Variants in NALF1 observed in about 807,000 individuals in gnomAD.
NALF1 encodes the protein family with sequence similarity 155 member A.
NALF1 carries 3 observed loss-of-function variants against 48.4 expected under a neutral mutation model. The observed-to-expected ratio is 0.06, with a 90% CI of 0.03 to 0.16. The LOEUF (loss-of-function observed/expected upper bound fraction) is 0.16, where lower values mean the gene tolerates loss of function less well. Among genes scored for constraint, NALF1 ranks in the 10% least tolerant of loss-of-function variants. The probability of loss-of-function intolerance (pLI) is 1.00; values close to 1 mark genes in which losing one functional copy is unlikely to be tolerated. For synonymous variants in NALF1, 262 were observed against 245.7 expected (o/e 1.07, Z -0.62); for missense variants, 526 against 571.5 (o/e 0.92, Z 0.81).
intron 1 of NALF1, among the ~76,000 whole-genome samples, chr13:107,589,100 T>C (rs564072642): frequency 7.2e-5 from 11 of 152,030 alleles, no homozygotes; most frequent in Non-Finnish European, 1.0e-4. Context: ...TTTTGAGGAG[T>C]AGCGTATACA....
chr13:107,496,174 A>G (rs1219974672), intron 1 of NALF1, among the ~76,000 whole-genome samples: 1 of 152,166 alleles, frequency 6.6e-6, no homozygotes, highest in Non-Finnish European at 1.5e-5. Flanking sequence ...CTGGGTTTTA[A>G]AAGTATTTTC....
rs1235323706 is a variant in NALF1 at position 107,867,101 on chromosome 13, C to T, written c.-505G>A. 6.6e-6 allele frequency among the ~76,000 whole-genome samples: 1 copy of T among 151,590 alleles called. No individual in the cohort carries two copies. Among genetic ancestry groups the T allele is most frequent in the East Asian group, 2.0e-4 (1 of 5,036 alleles). On this transcript the variant is annotated 5_prime_UTR_variant, in exon 1 of 3. The change creates a new upstream start codon in the 5' untranslated region. Coordinates refer to ENST00000375915, the MANE Select transcript of NALF1 (RefSeq NM_001080396.3). This position sits in a 1 kb window ranked among gnomAD's most constrained non-coding sequence, Gnocchi z 4.4. ...GGGCATGCCGCGCCTCCGCTGCCCA[C>T]TGACGGCGCCCGGAGCGCCTCCCCT...
rs1376349528 is a variant in NALF1 at position 107,176,834 on chromosome 13, T to C, written c.1088-6048A>G. On this transcript the variant is annotated intron_variant, in intron 2 of 2. Coordinates refer to ENST00000375915, the MANE Select transcript of NALF1 (RefSeq NM_001080396.3). ...AAAGAAGAGCATTCAATTTGACTTATTGGAAAAGAATAAGTCAAATTATTC... is the reference window on the plus strand; with the variant it reads ...AAAGAAGAGCATTCAATTTGACTTACTGGAAAAGAATAAGTCAAATTATTC... Among the ~76,000 whole-genome samples the C allele has an allele frequency of 3.9e-5, 6 of 152,120 alleles. No homozygotes were observed. The East Asian group carries it at 5.8e-4, about 15-fold the overall frequency.
chr13:107,273,199 A>G (rs1881211012), intron 1 of NALF1, among the ~76,000 whole-genome samples: 1 of 152,224 alleles, frequency 6.6e-6, no homozygotes, highest in South Asian at 2.1e-4. Flanking sequence ...AAGAATCTGA[A>G]CAAACAAACA....
At chr13:107,338,289 C>T (rs1882598502) in intron 1 of NALF1, among the ~76,000 whole-genome samples, 1 of 152,116 alleles carries the variant, frequency 6.6e-6, no homozygotes, top group East Asian at 1.9e-4. Context: ...GGCTAAGTAC[C>T]TTTTACGTGG....
At chr13:107,865,405 T>C (rs371459400) in intron 1 of NALF1, among the ~76,000 whole-genome samples, 1 of 152,110 alleles carries the variant, frequency 6.6e-6, no homozygotes, top group African/African-American at 2.4e-5. Context: ...GCCAACTGCA[T>C]GAATGTAAGA....
chr13:107,620,989 C>A (rs569131053), intron 1 of NALF1, among the ~76,000 whole-genome samples: 1 of 149,722 alleles, frequency 6.7e-6, no homozygotes, highest in East Asian at 1.9e-4. Flanking sequence ...TGAGTGTGTG[C>A]GTGTGTGTGT....
intron 1 of NALF1, among the ~76,000 whole-genome samples, chr13:107,417,489 A>T (rs1884110215): frequency 6.6e-6 from 1 of 151,518 alleles, no homozygotes; most frequent in African/African-American, 2.4e-5. Flanking sequence ...AATTCCTCTG[A>T]TATTTGTTTG....
chr13:107,631,535 T>A (rs1231095830), intron 1 of NALF1, among the ~76,000 whole-genome samples: 1 of 152,156 alleles, frequency 6.6e-6, no homozygotes, highest in African/African-American at 2.4e-5. Flanking sequence ...ACAATGCCAC[T>A]GAGTTTACTA....
chr13:107,472,189 C>G (rs1594081452), intron 1 of NALF1, among the ~76,000 whole-genome samples: 1 of 152,218 alleles, frequency 6.6e-6, no homozygotes, highest in East Asian at 1.9e-4. Context: ...ATTAGCCAGG[C>G]ATAGTGGCGG....
chr13:107,294,089 G>A (rs912163490), intron 1 of NALF1, among the ~76,000 whole-genome samples: 1 of 152,086 alleles, frequency 6.6e-6, no homozygotes, highest in African/African-American at 2.4e-5. Flanking sequence ...CCTGCAGATG[G>A]CTACTGCTTG....
intron 1 of NALF1, among the ~76,000 whole-genome samples, chr13:107,707,992 C>A (rs9559140): frequency 0.028 from 4,232 of 152,020 alleles, 159 homozygotes; most frequent in African/African-American, 0.09. Flanking sequence ...CCCTACCCCC[C>A]ACCCCACCCC....
chr13:107,319,812 C>T (rs1434354092), intron 1 of NALF1, among the ~76,000 whole-genome samples: 1 of 152,076 alleles, frequency 6.6e-6, no homozygotes, highest in African/African-American at 2.4e-5. Context: ...TTCTACCTCC[C>T]CTCAGACTCC....
rs914058662 is a variant in NALF1, at chr13:107,164,790, T to G, written c.*5707A>C. ...TCTGCTAGCTTAAGGATGTGAGGTG[T>G]TGTTAAAAAAAAAATGTAATTAAGA... On this transcript the variant is annotated 3_prime_UTR_variant, in exon 3 of 3. Coordinates refer to ENST00000375915, the MANE Select transcript of NALF1 (RefSeq NM_001080396.3). The G allele has an allele frequency of 6.7e-6, 1 of 148,336 alleles. No individual in the cohort carries two copies. The highest frequency in any genetic ancestry group is 2.6e-5 in the African/African-American group (1 of 37,942). 9.2% of individuals were successfully genotyped at this position (148,336 alleles called of 1,614,324 possible).
chr13:107,821,155 T>C (rs144512997), intron 1 of NALF1, among the ~76,000 whole-genome samples: 1 of 152,330 alleles, frequency 6.6e-6, no homozygotes, highest in East Asian at 1.9e-4. Context: ...TGTTTATTTG[T>C]AGTTTTGTTG....
At chr13:107,672,709 C>G (rs1881019231) in intron 1 of NALF1, among the ~76,000 whole-genome samples, 1 of 152,114 alleles carries the variant, frequency 6.6e-6, no homozygotes. Context: ...TATTAGCAAA[C>G]AGCAATTCTG....
chr13:107,256,860 C>T (rs1320674351), intron 1 of NALF1, among the ~76,000 whole-genome samples: 1 of 152,144 alleles, frequency 6.6e-6, no homozygotes, highest in Non-Finnish European at 1.5e-5. Context: ...GTGCATGCTA[C>T]ACATCCTTCA....
chr13:107,286,626 A>G (rs1037907699), intron 1 of NALF1, among the ~76,000 whole-genome samples: 30 of 151,874 alleles, frequency 2.0e-4, no homozygotes, highest in African/African-American at 7.0e-4. Flanking sequence ...AAGAAACAAC[A>G]AAGCTGGAAA....
At position 107,270,354 on chromosome 13, in the gene NALF1, C is replaced by T. The variant is rs141174264; in HGVS notation, c.916-59599G>A. 2.0e-5 allele frequency among the ~76,000 whole-genome samples: 3 copies of T among 151,864 alleles called. No homozygotes were observed. The East Asian group carries it at 5.8e-4, about 29-fold the overall frequency. On this transcript the variant is annotated intron_variant, in intron 1 of 2. Coordinates refer to ENST00000375915, the MANE Select transcript of NALF1 (RefSeq NM_001080396.3). ...ACTATGTTAATTTTTAAGTGGGGAT[C>T]AAAATAGGAAAAACTATACATTTTA...
Sources: gnomAD v4.1 joint callset for allele counts (sites outside exome capture counted in the v4.1 genomes callset) on GRCh38, gnomAD v4.1.1 for gene constraint, Gnocchi (gnomAD v3.1) non-coding constraint, MANE v1.5 for transcripts, NCBI Gene and HGNC (gene_info 2026-07-23, HGNC 2026-07-21) for gene names.